ENPP6: variants seen among roughly 807,000 people sequenced by gnomAD.
ENPP6 encodes the protein glycerophosphocholine cholinephosphodiesterase ENPP6.
A neutral mutation model predicts 42.0 loss-of-function variants in ENPP6; 32 were observed. The ratio of observed to expected loss-of-function variants is 0.76; its 90% CI spans 0.58 to 1.02. The LOEUF is 1.02. Ranked by LOEUF, ENPP6 falls within the 50% of genes least tolerant of loss-of-function variation. ENPP6 has a pLI of 0.00. For missense variants in ENPP6, 552 were observed against 566.8 expected (o/e 0.97, Z 0.27); for synonymous variants, 213 against 216.0 (o/e 0.99, Z 0.12).
At chr4:184,216,282 T>C (rs556370405) in intron 1 of ENPP6, among the ~76,000 whole-genome samples, 8 of 152,340 alleles carry the variant, frequency 5.3e-5, no homozygotes, top group African/African-American at 1.9e-4. Flanking sequence ...ATTCTGTTTA[T>C]CTTAGAGACT....
At chr4:184,173,387 T>G (rs1193089768) in intron 1 of ENPP6, among the ~76,000 whole-genome samples, 1 of 152,256 alleles carries the variant, frequency 6.6e-6, no homozygotes, top group Non-Finnish European at 1.5e-5. Context: ...CCTTCATTCC[T>G]GACCTATTAT....
intron 2 of ENPP6, among the ~76,000 whole-genome samples, chr4:184,136,450 A>T (rs1736731236): frequency 6.6e-6 from 1 of 151,920 alleles, no homozygotes; most frequent in African/African-American, 2.4e-5. Context: ...TTCCTCCTCC[A>T]TCTCTGTGCT....
At chr4:184,168,589 G>T (rs1283240532) in intron 1 of ENPP6, among the ~76,000 whole-genome samples, 1 of 152,228 alleles carries the variant, frequency 6.6e-6, no homozygotes, top group African/African-American at 2.4e-5. Flanking sequence ...ACGCTGGCCC[G>T]CCACTGCCCT....
intron 2 of ENPP6, among the ~76,000 whole-genome samples, chr4:184,138,749 C>T (rs1736770569): frequency 6.6e-6 from 1 of 152,164 alleles, no homozygotes; most frequent in Admixed American, 6.5e-5. Context: ...AAGCTGTACT[C>T]TATGGGAACT....
chr4:184,153,572 A>G lies in ENPP6; in HGVS notation c.403T>C (p.Tyr135His), dbSNP rs768117967. 1.4e-5 allele frequency: 22 copies of G among 1,613,918 alleles called. No individual in the cohort carries two copies. The highest frequency in any genetic ancestry group is 8.5e-7 in the Non-Finnish European group (1 of 1,179,966). The stretch of plus-strand genomic sequence containing the variant: ...CACTCACCTGGCCAGTAGTACATGT[A>G]GACCTTCCTTTTGGCCTTGGTCAGA... ...VTLTKAKRKV[Y>H]MYYWPGCEVE... is the part of the protein sequence containing the mutation. The change falls in exon 2 of 8, where the codon TAC (tyrosine) becomes CAC (histidine). Residue 135 changes from tyrosine to histidine, a missense_variant. Coordinates refer to ENST00000296741, the MANE Select transcript of ENPP6 (RefSeq NM_153343.4).
Position 184,116,856 on chromosome 4 carries a change from CT to C in ENPP6, c.854del (p.Glu285GlyfsTer6), listed in dbSNP as rs1736322597. On this transcript the variant is annotated frameshift_variant and splice_region_variant, in exon 5 of 8. Coordinates refer to ENST00000296741, the MANE Select transcript of ENPP6 (RefSeq NM_153343.4). LOFTEE classifies it high-confidence loss of function. ...SLWPAPGKHS[E>X]IYNKLSTVEH... ...TCCGCCCCCCACGGGTCTGTCTTGC[CT>C]CAGAGTGTTTCCCAGGGGCCGGCCA... The C allele has an allele frequency of 6.2e-7, 1 of 1,613,348 alleles. No homozygotes were observed. The highest frequency in any genetic ancestry group is 8.5e-7 in the Non-Finnish European group (1 of 1,179,948).
chr4:184,172,617 G>A (rs1229433352), intron 1 of ENPP6, among the ~76,000 whole-genome samples: 5 of 152,126 alleles, frequency 3.3e-5, no homozygotes, highest in Admixed American at 2.0e-4. Context: ...CGCAGTGAAC[G>A]GTGGCTGGGT....
At chr4:184,111,296 C>A (rs1335916528) in intron 6 of ENPP6, among the ~76,000 whole-genome samples, 1 of 152,208 alleles carries the variant, frequency 6.6e-6, no homozygotes, top group Non-Finnish European at 1.5e-5. Context: ...TTTAAAAATT[C>A]CAAGCAATTC....
intron 2 of ENPP6, among the ~76,000 whole-genome samples, chr4:184,146,386 C>T (rs371948938): frequency 2.3e-4 from 34 of 150,278 alleles, no homozygotes; most frequent in East Asian, 1.6e-3. Flanking sequence ...GCTGAGATTG[C>T]GCCACTGCAC....
intron 6 of ENPP6, 89 bp from the exon 7 acceptor site, chr4:184,097,457 G>A: frequency 6.4e-7 from 1 of 1,566,136 alleles, no homozygotes; most frequent in African/African-American, 1.3e-5. Flanking sequence ...CCACCGGGGG[G>A]CGCTTTCCTC....
At chr4:184,110,283 A>G (rs1415708637) in intron 6 of ENPP6, among the ~76,000 whole-genome samples, 4 of 152,122 alleles carry the variant, frequency 2.6e-5, no homozygotes, top group Admixed American at 6.6e-5. Flanking sequence ...GCACAACTTC[A>G]GATCTCAGAA....
At chr4:184,093,266 T>G (rs1368066463) in intron 7 of ENPP6, among the ~76,000 whole-genome samples, 2 of 152,156 alleles carry the variant, frequency 1.3e-5, no homozygotes, top group African/African-American at 4.8e-5. Flanking sequence ...CTTTCTAAAT[T>G]ATCTGGAGGG....
intron 6 of ENPP6, among the ~76,000 whole-genome samples, chr4:184,101,007 C>T (rs925286698): frequency 3.3e-5 from 5 of 152,032 alleles, no homozygotes; most frequent in Admixed American, 2.0e-4. Context: ...AGTGGGTGCC[C>T]GAGCCTGAAG....
intron 1 of ENPP6, among the ~76,000 whole-genome samples, chr4:184,208,551 C>A (rs1244605988): frequency 6.6e-6 from 1 of 152,084 alleles, no homozygotes; most frequent in Non-Finnish European, 1.5e-5. Context: ...AAACGGCGGA[C>A]CACGAGATTA....
intron 1 of ENPP6, among the ~76,000 whole-genome samples, chr4:184,209,022 G>A (rs1266094471): frequency 1.4e-5 from 2 of 143,810 alleles, no homozygotes; most frequent in South Asian, 2.2e-4. Flanking sequence ...TGCAGCTGAG[G>A]GTCCTGTCTG....
At chr4:184,107,332 C>T (rs1736113417) in intron 6 of ENPP6, among the ~76,000 whole-genome samples, 1 of 152,250 alleles carries the variant, frequency 6.6e-6, no homozygotes, top group Non-Finnish European at 1.5e-5. Context: ...TGTGCTTTAC[C>T]TCTTTCTGTT....
chr4:184,214,431 C>T (rs73009796), intron 1 of ENPP6, among the ~76,000 whole-genome samples: 1 of 152,100 alleles, frequency 6.6e-6, no homozygotes, highest in Non-Finnish European at 1.5e-5. Context: ...CACAAATAGG[C>T]CTGTTGATTC....
chr4:184,177,205 C>T (rs1301263798), intron 1 of ENPP6, among the ~76,000 whole-genome samples: 1 of 152,196 alleles, frequency 6.6e-6, no homozygotes, highest in African/African-American at 2.4e-5. Flanking sequence ...GGTTTGGACT[C>T]AGGAACAACT....
intron 1 of ENPP6, among the ~76,000 whole-genome samples, chr4:184,159,660 T>C (rs892176984): frequency 1.3e-5 from 2 of 152,212 alleles, no homozygotes; most frequent in East Asian, 1.9e-4. Flanking sequence ...TTTTTAAATA[T>C]CTTATTTCAA....
Sources: allele counts gnomAD v4.1 joint callset (sites outside exome capture counted in the v4.1 genomes callset), GRCh38; gene constraint gnomAD v4.1.1; transcripts MANE v1.5; gene names NCBI Gene and HGNC (gene_info 2026-07-23, HGNC 2026-07-21).